PDXK: variants seen among roughly 807,000 people sequenced by gnomAD.
PDXK encodes epididymis secretory sperm binding protein Li 1a.
PDXK carries 15 observed loss-of-function variants against 43.2 expected under a neutral mutation model. The observed-to-expected ratio is 0.35, with a 90% CI of 0.23 to 0.53. The LOEUF (loss-of-function observed/expected upper bound fraction) is 0.53. PDXK is among the 20% of genes least tolerant of loss of function. PDXK has a pLI of 0.92. For synonymous variants in PDXK, 172 were observed against 165.4 expected (o/e 1.04, Z -0.31); for missense variants, 343 against 417.0 (o/e 0.82, Z 1.54).
intron 1 of PDXK, among the ~76,000 whole-genome samples, chr21:43,725,574 C>T (rs2147207589): frequency 6.6e-6 from 1 of 152,208 alleles, no homozygotes; most frequent in East Asian, 1.9e-4. Context: ...CTTTGGGAGG[C>T]TGAGGTGGGT....
chr21:43,746,808 T>A (rs1359960943), intron 5 of PDXK, among the ~76,000 whole-genome samples: 3 of 152,256 alleles, frequency 2.0e-5, no homozygotes, highest in Non-Finnish European at 2.9e-5. Flanking sequence ...TGTCATTCTT[T>A]TTTTGGCTTT....
At chr21:43,728,762 G>A in intron 1 of PDXK, 1 of 985,852 alleles carries the variant, frequency 1.0e-6, no homozygotes, top group Non-Finnish European at 1.2e-6. Flanking sequence ...CCTGGGCAGG[G>A]GATGAGCTTG....
intron 4 of PDXK, chr21:43,745,828 C>T: frequency 1.9e-6 from 1 of 532,822 alleles, no homozygotes; most frequent in Non-Finnish European, 3.4e-6. Context: ...GAGAACCCAT[C>T]TGTACAAATC....
rs1468389787 is a variant in PDXK, at chr21:43,719,296, TGGA to T, written c.10_12del (p.Glu4?). On this transcript the variant is annotated start_lost and inframe_deletion, in exon 1 of 11. Coordinates refer to ENST00000291565, the MANE Select transcript of PDXK (RefSeq NM_003681.5). ...CGCGCCGCCGCGGCCAGGCCCGGCA[TGGA>T]GGAGGAGTGCCGGGTGCTCTCCATA... 1.4e-6 allele frequency: 2 copies of T among 1,462,494 alleles called. No individual in the cohort carries two copies. Among genetic ancestry groups the T allele is most frequent in the East Asian group, 3.1e-5 (1 of 32,714 alleles). The allele number at this position is 1,462,494 out of a possible 1,614,324, so 90.6% of individuals were successfully genotyped here.
chr21:43,749,297 G>A (rs2083693997), intron 6 of PDXK, among the ~76,000 whole-genome samples: 1 of 152,132 alleles, frequency 6.6e-6, no homozygotes, highest in African/African-American at 2.4e-5. Flanking sequence ...TAGTGACGGG[G>A]TTTCACCATG....
chr21:43,742,206 G>T (rs1002034716), intron 3 of PDXK, among the ~76,000 whole-genome samples: 1 of 152,124 alleles, frequency 6.6e-6, no homozygotes, highest in Non-Finnish European at 1.5e-5. Context: ...TTGAGACAGG[G>T]TCTCACTCTG....
rs557855018 is a variant in PDXK at position 43,751,347 on chromosome 21, G to C, written c.510+802G>C. The stretch of plus-strand genomic sequence containing the variant: ...TCAGATCACTTGAGGTCAGGAGTTC[G>C]AGACCAGCCTGGCCAACATGGTAAA... On this transcript the variant is annotated intron_variant, in intron 7 of 10. Coordinates refer to ENST00000291565, the MANE Select transcript of PDXK (RefSeq NM_003681.5). Among the ~76,000 whole-genome samples the C allele has an allele frequency of 2.1e-4, 32 of 152,208 alleles. No individual in the cohort carries two copies. The South Asian group carries it at 6.6e-3, about 32-fold the overall frequency.
intron 4 of PDXK, 49 bp downstream of exon 4, chr21:43,743,856 G>A: frequency 3.6e-6 from 5 of 1,397,562 alleles, no homozygotes; most frequent in Non-Finnish European, 5.1e-6. Context: ...CCACACGGGT[G>A]GGGCTGGCCT....
At position 43,741,751 on chromosome 21, in the gene PDXK, A is replaced by G; in HGVS notation, c.227A>G (p.Lys76Arg). Reference protein sequence around the residue: ...YEGLRLNNMNKYDYVLTGYTR... With the variant: ...YEGLRLNNMNRYDYVLTGYTR... Reference sequence around the variant, plus strand: ...GGCCTGAGGCTGAACAACATGAATAAATATGACTACGTGCTCACAGGTAGG... The same window carrying G: ...GGCCTGAGGCTGAACAACATGAATAGATATGACTACGTGCTCACAGGTAGG... The change falls in exon 3 of 11, where the codon AAA becomes AGA. Residue 76 changes from lysine to arginine, a missense_variant. Lys to Arg is a conservative substitution (Grantham distance 26). Transcript: ENST00000291565. 17 of 1,609,714 alleles carry G rather than the reference A, an allele frequency of 1.1e-5. No individual in the cohort carries two copies. Among genetic ancestry groups the G allele is most frequent in the Non-Finnish European group, 1.4e-5 (17 of 1,176,650 alleles).
At chr21:43,731,646 G>T (rs897516822) in intron 1 of PDXK, among the ~76,000 whole-genome samples, 1 of 151,018 alleles carries the variant, frequency 6.6e-6, no homozygotes, top group Non-Finnish European at 1.5e-5. Flanking sequence ...AGCTCCGGGT[G>T]GGAGGTGAGT....
rs1214807577 is a variant in PDXK, at chr21:43,761,573, C to G, written c.*5510C>G. ...CTCGCCCACCGGCCTGCGAAGCCAG[C>G]ATCTCCGTGAAGGTGGATGGAAGCG... On this transcript the variant is annotated 3_prime_UTR_variant, in exon 11 of 11. Transcript: ENST00000291565. 2.0e-5 allele frequency: 3 copies of G among 153,754 alleles called. No individual in the cohort carries two copies. In the Admixed American group the frequency reaches 2.0e-4, roughly 10 times the overall value. The allele number at this position is 153,754 out of a possible 1,614,324, so 9.5% of individuals were successfully genotyped here.
Position 43,732,177 on chromosome 21 carries a change from T to A in PDXK, c.88-1892T>A. ...ATTCTTGGTACCTCCTGGTGGTGCC[T>A]GGGAGGGAGCCACTGCTGTACAGAG... On this transcript the variant is annotated intron_variant, in intron 1 of 10. Transcript: ENST00000291565. The surrounding 1 kb of genome is among the most constrained non-coding windows in gnomAD (Gnocchi z 4.1). 1 of 1,414,340 alleles carries A rather than the reference T, an allele frequency of 7.1e-7. No homozygotes were observed. Among genetic ancestry groups the A allele is most frequent in the East Asian group, 2.6e-5 (1 of 39,034 alleles). The allele number at this position is 1,414,340 out of a possible 1,614,324, so 87.6% of individuals were successfully genotyped here. A position where few individuals can be genotyped will look rare whatever the true frequency, so the allele number is the denominator to read the frequency against.
chr21:43,726,944 C>T lies in PDXK; in HGVS notation c.88-7125C>T, dbSNP rs114634564. On this transcript the variant is annotated intron_variant, in intron 1 of 10. Transcript: ENST00000291565. ...ATGTGTATGGGGCATGTGTGCATGGCGTGTGTGCACATGTCTGGGCATGCA... is the reference window on the plus strand; with the variant it reads ...ATGTGTATGGGGCATGTGTGCATGGTGTGTGTGCACATGTCTGGGCATGCA... 2.0e-3 allele frequency among the ~76,000 whole-genome samples: 305 copies of T among 152,054 alleles called. 2 individuals are homozygous for T. The highest frequency in any genetic ancestry group is 7.0e-3 in the African/African-American group (290 of 41,468).
rs756048233 is a variant in PDXK at position 43,756,104 on chromosome 21, C to G, written c.*41C>G. Reference sequence around the variant, plus strand: ...CCCGTGACACGCAGCGCGTTGGTGTCTCCGTGTTTGTCCCTGTGAAAACAT... The same window carrying G: ...CCCGTGACACGCAGCGCGTTGGTGTGTCCGTGTTTGTCCCTGTGAAAACAT... On this transcript the variant is annotated 3_prime_UTR_variant, in exon 11 of 11. Transcript: ENST00000291565. 3.0e-5 allele frequency: 35 copies of G among 1,157,708 alleles called. No homozygotes were observed. Among genetic ancestry groups the G allele is most frequent in the Non-Finnish European group, 4.4e-5 (34 of 780,538 alleles). 71.7% of individuals were successfully genotyped at this position (1,157,708 alleles called of 1,614,324 possible). A position where few individuals can be genotyped will look rare whatever the true frequency, so the allele number is the denominator to read the frequency against.
chr21:43,734,773 G>A lies in PDXK; in HGVS notation c.142+650G>A, dbSNP rs1404566595. ...AGCCCCATGGCCTGGGGGTGGAGGT[G>A]CGTGGAGTCCCCCCTCCTCTCTGTG... On this transcript the variant is annotated intron_variant, in intron 2 of 10. Coordinates refer to ENST00000291565, the MANE Select transcript of PDXK (RefSeq NM_003681.5). This position sits in a 1 kb window ranked among gnomAD's most constrained non-coding sequence, Gnocchi z 5.0. 6.6e-6 allele frequency among the ~76,000 whole-genome samples: 1 copy of A among 152,084 alleles called. No homozygotes were observed. The highest frequency in any genetic ancestry group is 1.5e-5 in the Non-Finnish European group (1 of 68,014).
At position 43,756,107 on chromosome 21, in the gene PDXK, C is replaced by A; in HGVS notation, c.*44C>A. The A allele has an allele frequency of 9.0e-7, 1 of 1,115,608 alleles. No homozygotes were observed. The highest frequency in any genetic ancestry group is 1.3e-6 in the Non-Finnish European group (1 of 744,484). The allele number at this position is 1,115,608 out of a possible 1,614,324, so 69.1% of individuals were successfully genotyped here. A position where few individuals can be genotyped will look rare whatever the true frequency, so the allele number is the denominator to read the frequency against. On this transcript the variant is annotated 3_prime_UTR_variant, in exon 11 of 11. Coordinates refer to ENST00000291565, the MANE Select transcript of PDXK (RefSeq NM_003681.5). The stretch of plus-strand genomic sequence containing the variant: ...GTGACACGCAGCGCGTTGGTGTCTC[C>A]GTGTTTGTCCCTGTGAAAACATGTA...
chr21:43,739,973 G>A (rs900839219), intron 2 of PDXK, among the ~76,000 whole-genome samples: 1 of 151,812 alleles, frequency 6.6e-6, no homozygotes, highest in Non-Finnish European at 1.5e-5. Context: ...TGCTGTGTGA[G>A]GCACTGACCT....
At chr21:43,731,230 A>G (rs1450151207) in intron 1 of PDXK, among the ~76,000 whole-genome samples, 1 of 152,222 alleles carries the variant, frequency 6.6e-6, no homozygotes, top group Non-Finnish European at 1.5e-5. Flanking sequence ...AAAGCCAGCA[A>G]CAGTCGTTGA....
At chr21:43,728,751 G>T (rs745656622) in intron 1 of PDXK, 4 of 985,700 alleles carry the variant, frequency 4.1e-6, no homozygotes, top group Non-Finnish European at 4.8e-6. Context: ...TGCGGGCTGC[G>T]CCTGGGCAGG....
Sources: allele counts gnomAD v4.1 joint callset (sites outside exome capture counted in the v4.1 genomes callset), GRCh38; gene constraint gnomAD v4.1.1; non-coding constraint Gnocchi (gnomAD v3.1); transcripts MANE v1.5; gene names NCBI Gene and HGNC (gene_info 2026-07-23, HGNC 2026-07-21).